Variants in SLC8A1 observed in about 807,000 individuals in gnomAD.
The protein encoded by SLC8A1 is solute carrier family 8 member A1, also known as sodium/calcium exchanger 1.
SLC8A1 carries 18 observed loss-of-function variants against 68.3 expected under a neutral mutation model. The ratio of observed to expected loss-of-function variants is 0.26; its 90% CI spans 0.18 to 0.39. The LOEUF is 0.39. Among genes scored for constraint, SLC8A1 ranks in the 10% least tolerant of loss-of-function variants. The probability of loss-of-function intolerance (pLI) is 1.00; values close to 1 mark genes in which losing one functional copy is unlikely to be tolerated. For synonymous variants in SLC8A1, 475 were observed against 415.5 expected (o/e 1.14, Z -1.74); for missense variants, 985 against 1,156.7 (o/e 0.85, Z 2.15).
intron 2 of SLC8A1, among the ~76,000 whole-genome samples, chr2:40,358,048 G>GA (rs776231355): frequency 0.019 from 1,474 of 77,338 alleles, 11 homozygotes; most frequent in African/African-American, 0.027. Context: ...GCAACTGAAG[G>GA]AAAAAAAAAA....
chr2:40,138,731 A>G (rs997579534), intron 7 of SLC8A1, among the ~76,000 whole-genome samples: 13 of 152,176 alleles, frequency 8.5e-5, no homozygotes, highest in African/African-American at 2.4e-4. Context: ...ATTGCTATCA[A>G]TGTTGTTTGG....
rs1558607648 is a variant in SLC8A1 at position 40,170,427 on chromosome 2, C to T, written c.1930+4398G>A. Reference sequence around the variant, plus strand: ...ATCAGAGCTTTGTGGAATTAGTAAGCTAAACATCACACCCAGATGCACACA... The same window carrying T: ...ATCAGAGCTTTGTGGAATTAGTAAGTTAAACATCACACCCAGATGCACACA... On this transcript the variant is annotated intron_variant, in intron 4 of 7. Transcript: ENST00000406785. 5 of 1,204,440 alleles carry T rather than the reference C, an allele frequency of 4.2e-6. No homozygotes were observed. In the East Asian group the frequency reaches 7.1e-5, roughly 17 times the overall value. The allele number at this position is 1,204,440 out of a possible 1,614,324, so 74.6% of individuals were successfully genotyped here.
At chr2:40,254,279 C>T (rs935988045) in intron 2 of SLC8A1, 6 of 151,298 alleles carry the variant, frequency 4.0e-5, no homozygotes, top group Admixed American at 2.0e-4. Flanking sequence ...CTTACATTAA[C>T]GGTCAAAATG....
intron 2 of SLC8A1, among the ~76,000 whole-genome samples, chr2:40,241,818 T>G (rs1574571506): frequency 6.6e-6 from 1 of 152,320 alleles, no homozygotes; most frequent in South Asian, 2.1e-4. Context: ...ACCATAAGCA[T>G]TGCCTATTTG....
intron 2 of SLC8A1, among the ~76,000 whole-genome samples, chr2:40,185,329 T>C (rs1229342812): frequency 6.6e-6 from 1 of 152,160 alleles, no homozygotes; most frequent in Non-Finnish European, 1.5e-5. Context: ...AGCCAAGAAG[T>C]GGAAACAACT....
rs568147981 is a variant in SLC8A1 at position 40,459,939 on chromosome 2, T to C, written c.-24-29635A>G. 2.0e-5 allele frequency among the ~76,000 whole-genome samples: 3 copies of C among 152,352 alleles called. No individual in the cohort carries two copies. In the East Asian group the frequency reaches 5.8e-4, roughly 29 times the overall value. On this transcript the variant is annotated intron_variant, in intron 1 of 7. Coordinates refer to the SLC8A1 transcript ENST00000402441. ...GTAAATATGGCCAAATATTTAATTA[T>C]TGAAAAATCACCAATTGCAAATTTG... is the stretch of plus-strand genomic sequence containing the variant.
intron 2 of SLC8A1, among the ~76,000 whole-genome samples, chr2:40,338,212 A>C (rs1476613732): frequency 6.6e-6 from 1 of 152,090 alleles, no homozygotes; most frequent in African/African-American, 2.4e-5. Flanking sequence ...GAAGACAGAG[A>C]TCTTCAAGGA....
At chr2:40,248,891 C>A (rs901294502) in intron 2 of SLC8A1, among the ~76,000 whole-genome samples, 4 of 152,096 alleles carry the variant, frequency 2.6e-5, no homozygotes, top group African/African-American at 9.7e-5. Flanking sequence ...GTGAAGTAAC[C>A]TTGTGATCAT....
chr2:40,324,477 C>T (rs1487804466), intron 2 of SLC8A1, among the ~76,000 whole-genome samples: 3 of 152,160 alleles, frequency 2.0e-5, no homozygotes, highest in African/African-American at 7.2e-5. Flanking sequence ...TCTTTCCTAA[C>T]TCAGAAGTAT....
intron 2 of SLC8A1, among the ~76,000 whole-genome samples, chr2:40,393,650 G>T (rs1332603878): frequency 6.6e-6 from 1 of 152,006 alleles, no homozygotes; most frequent in African/African-American, 2.4e-5. Context: ...ACTAATTAGG[G>T]GGATAACTGT....
chr2:40,383,637 G>A (rs897985373), intron 2 of SLC8A1, among the ~76,000 whole-genome samples: 1 of 151,930 alleles, frequency 6.6e-6, no homozygotes, highest in African/African-American at 2.4e-5. Flanking sequence ...TTTGCTCAAG[G>A]TCACACCAAC....
chr2:40,494,749 A>G (rs904268773), intron 1 of SLC8A1, among the ~76,000 whole-genome samples: 19 of 148,776 alleles, frequency 1.3e-4, no homozygotes, highest in South Asian at 1.1e-3. Context: ...AAATATTTAT[A>G]TCATTCATTA....
intron 2 of SLC8A1, among the ~76,000 whole-genome samples, chr2:40,282,676 G>A (rs925554070): frequency 6.6e-6 from 1 of 152,126 alleles, no homozygotes; most frequent in African/African-American, 2.4e-5. Context: ...TTTGGGGCCG[G>A]GGAGGAATCT....
At chr2:40,362,996 G>T (rs1018621934) in intron 2 of SLC8A1, among the ~76,000 whole-genome samples, 14 of 151,944 alleles carry the variant, frequency 9.2e-5, no homozygotes, top group African/African-American at 3.1e-4. Context: ...TCAGTCCCTA[G>T]TATGACCATA....
intron 2 of SLC8A1, among the ~76,000 whole-genome samples, chr2:40,244,574 A>C (rs965394344): frequency 2.0e-5 from 3 of 151,684 alleles, no homozygotes; most frequent in African/African-American, 7.3e-5. Flanking sequence ...CCAAAAAAAA[A>C]AAAAAAAAAA....
intron 2 of SLC8A1, among the ~76,000 whole-genome samples, chr2:40,300,245 A>C (rs535385061): frequency 6.6e-6 from 1 of 152,254 alleles, no homozygotes; most frequent in African/African-American, 2.4e-5. Flanking sequence ...GTTAAGTACA[A>C]TGCTAAGTAT....
intron 2 of SLC8A1, among the ~76,000 whole-genome samples, chr2:40,199,339 C>T (rs537441644): frequency 1.3e-5 from 2 of 151,680 alleles, no homozygotes; most frequent in East Asian, 1.9e-4. Context: ...GCTTGGCAGG[C>T]GTGGTCTTCC....
intron 2 of SLC8A1, among the ~76,000 whole-genome samples, chr2:40,290,876 T>G (rs534695853): frequency 2.6e-5 from 4 of 152,180 alleles, no homozygotes; most frequent in Non-Finnish European, 4.4e-5. Context: ...GTTAAAAAAC[T>G]GAACAGAAAG....
chr2:40,240,817 G>A (rs180760349), intron 2 of SLC8A1, among the ~76,000 whole-genome samples: 1 of 152,246 alleles, frequency 6.6e-6, no homozygotes, highest in East Asian at 1.9e-4. Context: ...GTTCAAGGCT[G>A]CAGTGAACCA....
Sources: allele counts gnomAD v4.1 joint callset (sites outside exome capture counted in the v4.1 genomes callset), GRCh38; gene constraint gnomAD v4.1.1; transcripts MANE v1.5; gene names NCBI Gene and HGNC (gene_info 2026-07-23, HGNC 2026-07-21).